The following TYW1B variants were observed in gnomAD, a reference collection of about 807,000 sequenced individuals.
TYW1B encodes S-adenosyl-L-methionine-dependent tRNA 4-demethylwyosine synthase TYW1B.
A neutral mutation model predicts 86.9 loss-of-function variants in TYW1B; 73 were observed. The observed-to-expected ratio is 0.84, with a 90% CI of 0.70 to 1.02. The LOEUF (loss-of-function observed/expected upper bound fraction) is 1.02, where lower values mean the gene tolerates loss of function less well. Among genes scored for constraint, TYW1B ranks in the 50% least tolerant of loss-of-function variants. The pLI is 0.00. For synonymous variants in TYW1B, 248 were observed against 292.8 expected (o/e 0.85, Z 1.56); for missense variants, 637 against 827.4 (o/e 0.77, Z 2.82).
At chr7:72,647,241 G>A (rs1443230576) in intron 11 of TYW1B, among the ~76,000 whole-genome samples, 6 of 152,122 alleles carry the variant, frequency 3.9e-5, no homozygotes, top group South Asian at 4.1e-4. Flanking sequence ...ATATTTGTTC[G>A]TTGACGGTGG....
intron 13 of TYW1B, among the ~76,000 whole-genome samples, chr7:72,581,816 G>A (rs1811159269): frequency 6.6e-6 from 1 of 152,082 alleles, no homozygotes; most frequent in South Asian, 2.1e-4. Flanking sequence ...CACCCAGGCT[G>A]GAGTGCAATG....
chr7:72,699,293 C>A (rs1331701784), intron 10 of TYW1B, among the ~76,000 whole-genome samples: 1 of 152,132 alleles, frequency 6.6e-6, no homozygotes, highest in African/African-American at 2.4e-5. Flanking sequence ...ACAAACTATC[C>A]CCCCATGGCT....
intron 12 of TYW1B, among the ~76,000 whole-genome samples, chr7:72,625,613 G>C (rs1181375854): frequency 1.3e-5 from 2 of 150,502 alleles, no homozygotes; most frequent in African/African-American, 2.5e-5. Context: ...TGTGAGCCAT[G>C]ATTGCACCAC....
chr7:72,811,399 T>C (rs1332165259), intron 3 of TYW1B, among the ~76,000 whole-genome samples: 3 of 151,742 alleles, frequency 2.0e-5, no homozygotes, highest in Non-Finnish European at 4.4e-5. Context: ...GTTTCAAACC[T>C]GAAGAGAAAA....
At chr7:72,776,794 A>T (rs1787963119) in intron 7 of TYW1B, among the ~76,000 whole-genome samples, 1 of 151,660 alleles carries the variant, frequency 6.6e-6, no homozygotes, top group Non-Finnish European at 1.5e-5. Flanking sequence ...CCCTAATTAA[A>T]ATATAGACAT....
intron 9 of TYW1B, among the ~76,000 whole-genome samples, chr7:72,724,544 C>T (rs782408500): frequency 5.3e-5 from 8 of 151,980 alleles, no homozygotes; most frequent in African/African-American, 1.9e-4. Context: ...CGTGCTGACC[C>T]GTCTACACCC....
At chr7:72,605,902 G>A (rs1377985932) in intron 13 of TYW1B, among the ~76,000 whole-genome samples, 1 of 152,116 alleles carries the variant, frequency 6.6e-6, no homozygotes, top group East Asian at 1.9e-4. Context: ...TGGCATTACT[G>A]TTCACTAGGA....
chr7:72,691,982 G>A (rs1237182610), intron 11 of TYW1B, among the ~76,000 whole-genome samples: 1 of 151,982 alleles, frequency 6.6e-6, no homozygotes, highest in Non-Finnish European at 1.5e-5. Context: ...GAGGCAGGCG[G>A]ATCACTTGAG....
chr7:72,726,818 A>T (rs1489677452), intron 9 of TYW1B, among the ~76,000 whole-genome samples: 5 of 152,184 alleles, frequency 3.3e-5, no homozygotes, highest in Non-Finnish European at 5.9e-5. Flanking sequence ...AAAGGAAAAG[A>T]GGTTTGATTG....
At chr7:72,826,552 G>T (rs1788932261) in intron 2 of TYW1B, among the ~76,000 whole-genome samples, 2 of 152,026 alleles carry the variant, frequency 1.3e-5, no homozygotes, top group Admixed American at 1.3e-4. Context: ...TTAATTAATG[G>T]AAAGAGAGGA....
At position 72,810,591 on chromosome 7, in the gene TYW1B, C is replaced by T. The variant is rs782535675; in HGVS notation, c.312G>A (p.Trp104Ter). ...ATGCTTCCTCTAACCATTTGCAGAA[C>T]CACTCTGCACTTTCGGTTGGTAGGC... is the stretch of plus-strand genomic sequence containing the variant. ...TDGLPTESAE[W>*]FCKWLEEASI... Residue 104 changes from tryptophan to a stop codon, truncating the protein, a stop_gained, in exon 4 of 14, where the codon TGG (tryptophan) becomes TGA (stop). Coordinates refer to ENST00000620995, the MANE Select transcript of TYW1B (RefSeq NM_001145440.3). LOFTEE classifies it high-confidence loss of function. The T allele has an allele frequency of 2.5e-6, 4 of 1,613,814 alleles. No individual in the cohort carries two copies. The highest frequency in any genetic ancestry group is 1.3e-5 in the African/African-American group (1 of 74,916).
intron 13 of TYW1B, among the ~76,000 whole-genome samples, chr7:72,586,068 C>G (rs1811268340): frequency 6.6e-6 from 1 of 152,190 alleles, no homozygotes; most frequent in South Asian, 2.1e-4. Flanking sequence ...ACCCACAGAA[C>G]TCTCTGAAAG....
At chr7:72,581,420 C>T (rs1811147915) in intron 13 of TYW1B, among the ~76,000 whole-genome samples, 1 of 152,142 alleles carries the variant, frequency 6.6e-6, no homozygotes, top group Non-Finnish European at 1.5e-5. Context: ...TAGAGTCAGC[C>T]CCATACCATA....
At chr7:72,647,723 C>T (rs1331609585) in intron 11 of TYW1B, among the ~76,000 whole-genome samples, 5 of 151,418 alleles carry the variant, frequency 3.3e-5, no homozygotes, top group Non-Finnish European at 5.9e-5. Flanking sequence ...TTTGCTCTGT[C>T]GCCCAGGCTG....
At chr7:72,766,084 A>G (rs1277744463) in intron 7 of TYW1B, among the ~76,000 whole-genome samples, 1 of 152,228 alleles carries the variant, frequency 6.6e-6, no homozygotes, top group Admixed American at 6.5e-5. Context: ...ATTAAATAAG[A>G]AAATGTCTGC....
chr7:72,583,291 A>C (rs1554429867), intron 13 of TYW1B, among the ~76,000 whole-genome samples: 1 of 152,220 alleles, frequency 6.6e-6, no homozygotes, highest in Non-Finnish European at 1.5e-5. Context: ...TGGAGGTTGC[A>C]GTGAGCCGAG....
chr7:72,706,212 T>C (rs1814609176), intron 10 of TYW1B, among the ~76,000 whole-genome samples: 3 of 152,106 alleles, frequency 2.0e-5, no homozygotes. Context: ...GGAGATCACC[T>C]GAGGTCAGGA....
intron 11 of TYW1B, among the ~76,000 whole-genome samples, chr7:72,682,374 C>T (rs2129569983): frequency 6.6e-6 from 1 of 152,186 alleles, no homozygotes; most frequent in South Asian, 2.1e-4. Flanking sequence ...AAAATGAATG[C>T]TAAGTTATAT....
intron 6 of TYW1B, among the ~76,000 whole-genome samples, chr7:72,793,824 G>C (rs1400027500): frequency 2.6e-5 from 4 of 151,944 alleles, no homozygotes; most frequent in Non-Finnish European, 5.9e-5. Context: ...GGTAATGAGA[G>C]AGGGTTTTTG....
Sources: allele counts gnomAD v4.1 joint callset (sites outside exome capture counted in the v4.1 genomes callset), GRCh38; gene constraint gnomAD v4.1.1; transcripts MANE v1.5; gene names NCBI Gene and HGNC (gene_info 2026-07-23, HGNC 2026-07-21).